The following ZMYM2 variants were observed in gnomAD, a reference collection of about 807,000 sequenced individuals.
The protein encoded by ZMYM2 is zinc finger MYM-type protein 2.
A neutral mutation model predicts 162.8 loss-of-function variants in ZMYM2; 56 were observed. The ratio of observed to expected loss-of-function variants is 0.34; its 90% CI spans 0.28 to 0.43. ZMYM2 has a LOEUF of 0.43. Ranked by LOEUF, ZMYM2 falls within the 20% of genes least tolerant of loss-of-function variation. The probability of loss-of-function intolerance (pLI) is 1.00; values close to 1 mark genes in which losing one functional copy is unlikely to be tolerated. For missense variants in ZMYM2, 1,275 were observed against 1,621.8 expected, an observed-to-expected ratio of 0.79 and a Z score of 3.67; for synonymous variants, 510 against 541.6, an observed-to-expected ratio of 0.94 and a Z score of 0.81.
chr13:20,025,427 G>A (rs983681322), intron 7 of ZMYM2: 4 of 175,578 alleles, frequency 2.3e-5, no homozygotes, highest in Middle Eastern at 2.2e-3. Context: ...TGGAAGATGG[G>A]GTCTTGCTGT....
At chr13:20,072,650 A>G (rs569157679) in intron 21 of ZMYM2, among the ~76,000 whole-genome samples, 2 of 152,330 alleles carry the variant, frequency 1.3e-5, no homozygotes, top group East Asian at 1.9e-4. Context: ...CAGTGAAGCC[A>G]TATAGGCTTA....
At position 20,026,353 on chromosome 13, in the gene ZMYM2, A is replaced by G. The variant is rs367618881; in HGVS notation, c.1585-259A>G. On this transcript the variant is annotated intron_variant, in intron 7 of 24. Transcript: ENST00000610343. ...AGGTTTTACTTAACTCTATGTAGGG[A>G]TTCTGTTAAACTAAATATAATAGAG... The G allele has an allele frequency of 1.3e-3, 370 of 281,590 alleles. 4 individuals are homozygous for G. In the Middle Eastern group the frequency reaches 0.015, roughly 11 times the overall value. The allele number at this position is 281,590 out of a possible 1,614,324, so 17.4% of individuals were successfully genotyped here.
the ZMYM2 span, among the ~76,000 whole-genome samples, chr13:19,895,180 A>G: frequency 2.0e-5 from 3 of 151,784 alleles, no homozygotes; most frequent in Non-Finnish European, 2.9e-5. Flanking sequence ...ATGTGGAGAA[A>G]CTGGAACTGT....
the ZMYM2 span, among the ~76,000 whole-genome samples, chr13:19,931,801 A>T: frequency 6.6e-6 from 1 of 151,962 alleles, no homozygotes; most frequent in Non-Finnish European, 1.5e-5. Flanking sequence ...TTTTTAAAAC[A>T]TTTTTTTGTA....
In ZMYM2 at chr13:20,027,270, T is replaced by A; in HGVS notation, c.1803T>A (p.Asp601Glu). 6.3e-7 allele frequency: 1 copy of A among 1,583,978 alleles called. No individual in the cohort carries two copies. Among genetic ancestry groups the A allele is most frequent in the Non-Finnish European group, 8.6e-7 (1 of 1,163,010 alleles). The change falls in exon 9 of 25, where the codon GAT becomes GAA. Residue 601 changes from aspartate (D) to glutamate (E), a missense_variant. Around this residue, in one of 10 missense-constraint regions of ZMYM2, gnomAD observed 276 missense variants for 311.8 expected, o/e 0.89. Transcript: ENST00000610343. ...CTCAATACCAAGCCACAATGCCTGA[T>A]GGAAAACTGTACAACTTTTGCAATT... ...SLPQYQATMP[D>E]GKLYNFCNSS...
chr13:19,984,906 GTGATA>G (rs1215492283), intron 2 of ZMYM2, among the ~76,000 whole-genome samples: 1 of 152,192 alleles, frequency 6.6e-6, no homozygotes. Context: ...AGAGGGAACT[GTGATA>G]TCAGTTCTAG....
chr13:20,006,198 A>G (rs1950729019), intron 5 of ZMYM2, among the ~76,000 whole-genome samples, 176 bp from the exon 6 acceptor site: 2 of 151,544 alleles, frequency 1.3e-5, no homozygotes, highest in East Asian at 1.9e-4. Flanking sequence ...GTGCCACTGT[A>G]CTTTAGCCTG....
chr13:19,977,149 C>G (rs1473312789), intron 2 of ZMYM2, among the ~76,000 whole-genome samples: 1 of 152,148 alleles, frequency 6.6e-6, no homozygotes, highest in Non-Finnish European at 1.5e-5. Flanking sequence ...GAAAATAGTA[C>G]TCAGCTATTC....
At chr13:20,083,635 A>G in intron 23 of ZMYM2, 21 bp from the exon 24 acceptor site, 1 of 1,468,058 alleles carries the variant, frequency 6.8e-7, no homozygotes, top group Non-Finnish European at 9.3e-7. Context: ...TAGGAGGTTT[A>G]TTTCACTTTT....
the ZMYM2 span, among the ~76,000 whole-genome samples, chr13:19,897,594 G>C: frequency 3.3e-5 from 5 of 151,548 alleles, no homozygotes; most frequent in Non-Finnish European, 7.4e-5. Flanking sequence ...GTAAAAGGAT[G>C]GATGAAAAAA....
chr13:19,972,169 C>T (rs760727321), intron 2 of ZMYM2, among the ~76,000 whole-genome samples: 1 of 152,014 alleles, frequency 6.6e-6, no homozygotes, highest in Non-Finnish European at 1.5e-5. Context: ...CTGTCATAAC[C>T]CTTGAATGGA....
the ZMYM2 span, among the ~76,000 whole-genome samples, chr13:19,887,773 G>A: frequency 1.3e-5 from 2 of 151,472 alleles, no homozygotes; most frequent in African/African-American, 2.4e-5. Flanking sequence ...TTAGCTCATC[G>A]TTTTAAACAT....
At chr13:20,005,280 G>T in intron 5 of ZMYM2, 41 bp downstream of exon 5, 4 of 1,394,990 alleles carry the variant, frequency 2.9e-6, no homozygotes, top group African/African-American at 1.5e-5. Context: ...CTAACAAATA[G>T]GAATATTTTA....
At chr13:19,994,407 TAGTGTTTTAGTATATAAATTAG>T (rs1266104702) in intron 3 of ZMYM2, among the ~76,000 whole-genome samples, 17 of 152,366 alleles carry the variant, frequency 1.1e-4, no homozygotes, top group Admixed American at 9.8e-4. Context: ...GAATTTTTAC[TAGTGTTTTAGTATATAAATTAG>T]AGAACCAAAA....
intron 24 of ZMYM2, 151 bp from the exon 25 acceptor site, chr13:20,085,671 A>G: frequency 1.8e-6 from 1 of 554,852 alleles, no homozygotes; most frequent in Non-Finnish European, 3.0e-6. Context: ...AACTTTGAGA[A>G]TATTTTAATG....
At chr13:20,053,320 T>G (rs563731827) in intron 14 of ZMYM2, among the ~76,000 whole-genome samples, 3 of 152,322 alleles carry the variant, frequency 2.0e-5, no homozygotes, top group South Asian at 4.1e-4. Context: ...CTGGCAACTT[T>G]TCAAAACCTT....
chr13:19,869,934 A>G, the ZMYM2 span, among the ~76,000 whole-genome samples: 1 of 152,178 alleles, frequency 6.6e-6, no homozygotes, highest in Admixed American at 6.6e-5. Flanking sequence ...AATAACAAAT[A>G]CTTATCGTGT....
intron 12 of ZMYM2, among the ~76,000 whole-genome samples, chr13:20,042,779 C>T (rs1244482508): frequency 1.3e-5 from 2 of 151,676 alleles, no homozygotes; most frequent in East Asian, 1.9e-4. Context: ...ACTGGAGTGC[C>T]GTGGCATGAT....
At position 20,058,716 on chromosome 13, in the gene ZMYM2, C is replaced by T. The variant is rs1167444156; in HGVS notation, c.2623+12C>T. 6.2e-7 allele frequency: 1 copy of T among 1,612,456 alleles called. No individual in the cohort carries two copies. The highest frequency in any genetic ancestry group is 1.7e-5 in the Admixed American group (1 of 59,862). On this transcript the variant is annotated intron_variant, in intron 15 of 24. Coordinates refer to ENST00000610343, the MANE Select transcript of ZMYM2 (RefSeq NM_197968.4). Reference sequence around the variant, plus strand: ...ATCTTGTCAGACAGGTAACTTAGGACAATGTGACTTACATACTTCCCCATA... The same window carrying T: ...ATCTTGTCAGACAGGTAACTTAGGATAATGTGACTTACATACTTCCCCATA...
Sources: allele counts gnomAD v4.1 joint callset (sites outside exome capture counted in the v4.1 genomes callset), GRCh38; gene constraint gnomAD v4.1.1; regional missense constraint gnomAD v4.1.1; transcripts MANE v1.5; gene names NCBI Gene and HGNC (gene_info 2026-07-23, HGNC 2026-07-21).